MAPK6: variants seen among roughly 807,000 people sequenced by gnomAD.
The protein encoded by MAPK6 is ERK-3.
A neutral mutation model predicts 59.3 loss-of-function variants in MAPK6; 19 were observed. The observed-to-expected ratio is 0.32, with a 90% CI of 0.22 to 0.47. MAPK6 has a LOEUF of 0.47. Among genes scored for constraint, MAPK6 ranks in the 20% least tolerant of loss-of-function variants. The pLI is 1.00. For missense variants in MAPK6, 724 were observed against 847.9 expected (o/e 0.85, Z 1.81); for synonymous variants, 316 against 290.3 (o/e 1.09, Z -0.90).
chr15:52,044,741 G>A (rs1475058544), intron 1 of MAPK6, among the ~76,000 whole-genome samples: 1 of 151,752 alleles, frequency 6.6e-6, no homozygotes, highest in Non-Finnish European at 1.5e-5. Context: ...AATATTTTAA[G>A]TGTACAGAGA....
intron 1 of MAPK6, among the ~76,000 whole-genome samples, chr15:51,974,643 AGCGAGACTCC>A (rs1201975754): frequency 5.5e-5 from 7 of 126,876 alleles, no homozygotes; most frequent in Non-Finnish European, 9.7e-5. Flanking sequence ...TGGGAGACAG[AGCGAGACTCC>A]GTCTCAAAAA....
intron 1 of MAPK6, among the ~76,000 whole-genome samples, chr15:52,035,821 T>C (rs918319003): frequency 6.6e-6 from 1 of 152,172 alleles, no homozygotes; most frequent in Admixed American, 6.6e-5. Context: ...GGAATGAGAA[T>C]AGCCATGGTC....
At chr15:52,000,500 T>C (rs1317793293) in intron 2 of MAPK6, among the ~76,000 whole-genome samples, 1 of 152,186 alleles carries the variant, frequency 6.6e-6, no homozygotes, top group African/African-American at 2.4e-5. Context: ...ATATAATTGT[T>C]CTGGCATTTT....
intron 3 of MAPK6, among the ~76,000 whole-genome samples, chr15:52,051,290 C>G (rs1473841578): frequency 6.6e-6 from 1 of 152,044 alleles, no homozygotes; most frequent in African/African-American, 2.4e-5. Context: ...ATCTCCTGAC[C>G]TCGTGATCCA....
At chr15:52,028,066 C>T (rs1566904115) in intron 1 of MAPK6, among the ~76,000 whole-genome samples, 1 of 150,236 alleles carries the variant, frequency 6.7e-6, no homozygotes, top group African/African-American at 2.5e-5. Context: ...CATTCTTCTG[C>T]CTCAGCTTTC....
Position 52,058,673 on chromosome 15 carries a change from T to C in MAPK6, c.741T>C (p.Ser247=). Reference sequence around the variant, plus strand: ...AACAGATGCAGCTGATTTTAGAATCTATTCCTGTTGTACATGAGGAAGATC... The same window carrying C: ...AACAGATGCAGCTGATTTTAGAATCCATTCCTGTTGTACATGAGGAAGATC... ...ELEQMQLILE[S]IPVVHEEDRQ... Residue 247 remains serine, a synonymous_variant, in exon 4 of 6, where the codon TCT becomes TCC. Transcript: ENST00000261845. The C allele has an allele frequency of 6.2e-7, 1 of 1,612,844 alleles. No homozygotes were observed. Among genetic ancestry groups the C allele is most frequent in the East Asian group, 2.2e-5 (1 of 44,838 alleles).
intron 1 of MAPK6, among the ~76,000 whole-genome samples, chr15:51,977,650 C>T (rs1176495360): frequency 1.3e-5 from 2 of 151,938 alleles, no homozygotes; most frequent in Admixed American, 1.3e-4. Context: ...GATCCTCCCA[C>T]CTCGGCCTCC....
Position 52,066,056 on chromosome 15 carries a change from GA to G in MAPK6, c.*1057del, listed in dbSNP as rs2032413192. The G allele has an allele frequency of 6.6e-6, 1 of 152,632 alleles. No individual in the cohort carries two copies. The highest frequency in any genetic ancestry group is 1.5e-5 in the Non-Finnish European group (1 of 68,038). The allele number at this position is 152,632 out of a possible 1,614,324, so 9.5% of individuals were successfully genotyped here. ...TTATTGTAGTTTGAAAGTTGTACAT[GA>G]TAAGACATTTTGTTTTTACTGTATG... is the stretch of plus-strand genomic sequence containing the variant. On this transcript the variant is annotated 3_prime_UTR_variant, in exon 6 of 6. Coordinates refer to ENST00000261845, the MANE Select transcript of MAPK6 (RefSeq NM_002748.4).
intron 2 of MAPK6, among the ~76,000 whole-genome samples, chr15:51,999,071 C>T (rs1294384964): frequency 6.6e-6 from 1 of 150,962 alleles, no homozygotes; most frequent in Non-Finnish European, 1.5e-5. Flanking sequence ...CCTCGGCTCA[C>T]TGCCGCCTCC....
At chr15:52,022,418 GCC>G (rs1213398576) in intron 1 of MAPK6, among the ~76,000 whole-genome samples, 1 of 152,012 alleles carries the variant, frequency 6.6e-6, no homozygotes, top group Non-Finnish European at 1.5e-5. Context: ...GTGCGACCAT[GCC>G]TGGCTAGTTT....
chr15:52,022,119 T>C (rs1392230109), intron 1 of MAPK6, among the ~76,000 whole-genome samples: 5 of 151,722 alleles, frequency 3.3e-5, no homozygotes, highest in Admixed American at 1.3e-4. Flanking sequence ...AGGCCAGGAG[T>C]TCAAGACCAG....
intron 1 of MAPK6, among the ~76,000 whole-genome samples, chr15:51,980,224 G>A (rs1262164067): frequency 6.6e-6 from 1 of 151,014 alleles, no homozygotes; most frequent in African/African-American, 2.4e-5. Context: ...GAACCTGGGA[G>A]GCAGATGTTG....
intron 3 of MAPK6, among the ~76,000 whole-genome samples, chr15:52,053,996 G>C (rs748011402): frequency 6.6e-6 from 1 of 151,718 alleles, no homozygotes; most frequent in Admixed American, 6.6e-5. Context: ...TTTTGTTTTT[G>C]GTGTCATGTC....
At chr15:52,002,957 G>A (rs2057246702) in intron 2 of MAPK6, among the ~76,000 whole-genome samples, 1 of 152,156 alleles carries the variant, frequency 6.6e-6, no homozygotes, top group Admixed American at 6.5e-5. Context: ...GGGAGGCTGA[G>A]GTGGGCAGAT....
Position 52,046,950 on chromosome 15 carries a change from G to A in MAPK6, c.490G>A (p.Asp164Asn). Residue 164 changes from aspartate (D) to asparagine (N), a missense_variant, in exon 2 of 6, where the codon GAC becomes AAC. Coordinates refer to ENST00000261845, the MANE Select transcript of MAPK6 (RefSeq NM_002748.4). ...KPANLFINTE[D>N]LVLKIGDFGL... is the part of the protein sequence containing the mutation. ...AGCTAATCTTTTCATTAATACGGAA[G>A]ACTTGGTGCTGAAGATAGGTGACTT... 2 of 1,612,048 alleles carry A rather than the reference G, an allele frequency of 1.2e-6. No individual in the cohort carries two copies. Among genetic ancestry groups the A allele is most frequent in the Non-Finnish European group, 1.7e-6 (2 of 1,179,030 alleles).
rs764364407 is a variant in MAPK6 at position 52,046,874 on chromosome 15, G to C, written c.414G>C (p.Arg138=). The C allele has an allele frequency of 2.7e-5, 43 of 1,614,038 alleles. No individual in the cohort carries two copies. The highest frequency in any genetic ancestry group is 3.6e-5 in the Non-Finnish European group (43 of 1,180,000). ...GGCTTTTCATGTATCAGCTGCTACG[G>C]GGGCTCAAGTATATTCACTCTGCAA... ...HARLFMYQLL[R]GLKYIHSANV... is the part of the protein sequence containing the mutation. Residue 138 remains arginine, a synonymous_variant, in exon 2 of 6, where the codon CGG becomes CGC. Coordinates refer to ENST00000261845, the MANE Select transcript of MAPK6 (RefSeq NM_002748.4).
intron 1 of MAPK6, among the ~76,000 whole-genome samples, chr15:52,029,188 C>G (rs1361045184): frequency 3.3e-5 from 5 of 152,214 alleles, no homozygotes; most frequent in African/African-American, 1.2e-4. Flanking sequence ...CAGGCGCACA[C>G]CACCACGCCT....
intron 3 of MAPK6, among the ~76,000 whole-genome samples, chr15:52,006,567 C>T (rs911003685): frequency 2.6e-5 from 4 of 152,154 alleles, no homozygotes; most frequent in African/African-American, 9.7e-5. Context: ...GAATATCAGC[C>T]GGGATGAATC....
intron 3 of MAPK6, among the ~76,000 whole-genome samples, chr15:52,053,730 C>A (rs963719729): frequency 1.3e-5 from 2 of 151,972 alleles, no homozygotes; most frequent in African/African-American, 4.8e-5. Context: ...GTCTCTCCCT[C>A]CTGGGTTCAA....
Sources: gnomAD v4.1 joint callset for allele counts (sites outside exome capture counted in the v4.1 genomes callset) on GRCh38, gnomAD v4.1.1 for gene constraint, MANE v1.5 for transcripts, NCBI Gene and HGNC (gene_info 2026-07-23, HGNC 2026-07-21) for gene names.